RAB11FIP5: variants seen among roughly 807,000 people sequenced by gnomAD.
RAB11FIP5 encodes RAB11 family interacting protein 5.
Under a neutral mutation model 85.1 loss-of-function variants are expected in RAB11FIP5, and 48 were observed. That is an observed-to-expected ratio of 0.56 (90% CI 0.45 to 0.72). The LOEUF (loss-of-function observed/expected upper bound fraction) is 0.72. RAB11FIP5 is among the 30% of genes least tolerant of loss of function. The probability of loss-of-function intolerance (pLI) is 0.00; values close to 1 mark genes in which losing one functional copy is unlikely to be tolerated. For missense variants in RAB11FIP5, 1,491 were observed against 1,687.0 expected (o/e 0.88, Z 2.04); for synonymous variants, 729 against 727.3 (o/e 1.00, Z -0.04).
At chr2:73,095,236 G>A (rs2106116438) in intron 1 of RAB11FIP5, among the ~76,000 whole-genome samples, 1 of 152,288 alleles carries the variant, frequency 6.6e-6, no homozygotes, top group East Asian at 1.9e-4. Flanking sequence ...CTTGTCCCAG[G>A]TGCCTCTGCA....
At chr2:73,091,715 G>A (rs1412660779) in intron 1 of RAB11FIP5, among the ~76,000 whole-genome samples, 1 of 152,148 alleles carries the variant, frequency 6.6e-6, no homozygotes, top group Non-Finnish European at 1.5e-5. Flanking sequence ...AAGGCTTCCT[G>A]GGGCACCTCT....
intron 3 of RAB11FIP5, among the ~76,000 whole-genome samples, chr2:73,083,051 G>C (rs1684020081): frequency 6.6e-6 from 1 of 152,200 alleles, no homozygotes; most frequent in South Asian, 2.1e-4. Context: ...AAATATCCTG[G>C]GGAAACCCCT....
Position 73,081,212 on chromosome 2 carries a change from C to T in RAB11FIP5, c.2020G>A (p.Val674Met), listed in dbSNP as rs1357473411. 13 of 1,232,256 alleles carry T rather than the reference C, an allele frequency of 1.1e-5. No individual in the cohort carries two copies. Among genetic ancestry groups the T allele is most frequent in the African/African-American group, 4.7e-5 (3 of 64,420 alleles). 76.3% of individuals were successfully genotyped at this position (1,232,256 alleles called of 1,614,324 possible). The change falls in exon 4 of 6, where the codon GTG becomes ATG. Residue 674 changes from valine to methionine, a missense_variant. Val to Met is a conservative substitution (Grantham distance 21). Around this residue, in one of 3 missense-constraint regions of RAB11FIP5, gnomAD observed 1,211 missense variants for 1,338.0 expected, o/e 0.91. Coordinates refer to ENST00000486777, the MANE Select transcript of RAB11FIP5 (RefSeq NM_001371272.1). The surrounding 1 kb of genome is among the most constrained non-coding windows in gnomAD (Gnocchi z 4.2). ...ARSEILAPAG[V>M]GLEAAGLQDP... ...TGCAGCCCTGCCGCCTCCAGCCCCA[C>T]TCCTGCAGGGGCCAGGATCTCGCTC...
At chr2:73,111,090 C>T (rs1400150425) in intron 1 of RAB11FIP5, among the ~76,000 whole-genome samples, 1 of 151,958 alleles carries the variant, frequency 6.6e-6, no homozygotes, top group Non-Finnish European at 1.5e-5. Context: ...TGAAGGAAGG[C>T]GGGGAGCAGG....
At position 73,112,919 on chromosome 2, in the gene RAB11FIP5, G is replaced by T; in HGVS notation, c.-142C>A. 1 of 711,862 alleles carries T rather than the reference G, an allele frequency of 1.4e-6. No homozygotes were observed. The highest frequency in any genetic ancestry group is 1.9e-6 in the Non-Finnish European group (1 of 528,322). 44.1% of individuals were successfully genotyped at this position (711,862 alleles called of 1,614,324 possible). A position where few individuals can be genotyped will look rare whatever the true frequency, so the allele number is the denominator to read the frequency against. On this transcript the variant is annotated 5_prime_UTR_variant, in exon 1 of 6. Transcript: ENST00000486777. The stretch of plus-strand genomic sequence containing the variant: ...GGGCTGGGCTGGGCCGGGCCGACCG[G>T]CCGCCGCCTCCCCGCCTCACCGGGC...
chr2:73,112,853 G>A lies in RAB11FIP5; in HGVS notation c.-76C>T. The A allele has an allele frequency of 7.7e-7, 1 of 1,306,428 alleles. No homozygotes were observed. The highest frequency in any genetic ancestry group is 1.6e-5 in the African/African-American group (1 of 64,074). 80.9% of individuals were successfully genotyped at this position (1,306,428 alleles called of 1,614,324 possible). A position where few individuals can be genotyped will look rare whatever the true frequency, so the allele number is the denominator to read the frequency against. On this transcript the variant is annotated 5_prime_UTR_variant, in exon 1 of 6. Transcript: ENST00000486777. Reference sequence around the variant, plus strand: ...CCTGGTGACAAACCCGGCCGCGGCAGAAGGCGGTCAGGAACCAACTCTGAG... The same window carrying A: ...CCTGGTGACAAACCCGGCCGCGGCAAAAGGCGGTCAGGAACCAACTCTGAG...
Position 73,081,063 on chromosome 2 carries a change from C to T in RAB11FIP5, c.2169G>A (p.Arg723=). Residue 723 remains arginine, a synonymous_variant, in exon 4 of 6, where the codon AGG becomes AGA. Transcript: ENST00000486777. This position sits in a 1 kb window ranked among gnomAD's most constrained non-coding sequence, Gnocchi z 4.2. The stretch of plus-strand genomic sequence containing the variant: ...GGTTCGGTCCCAAGTCCAGAGGAAC[C>T]CTGGGCTCCAGCCACACGCTGCTCC... ...RGGSSVWLEP[R]VPLDLGPNHQ... 1 of 1,233,128 alleles carries T rather than the reference C, an allele frequency of 8.1e-7. No individual in the cohort carries two copies. The highest frequency in any genetic ancestry group is 1.0e-6 in the Non-Finnish European group (1 of 988,882). The allele number at this position is 1,233,128 out of a possible 1,614,324, so 76.4% of individuals were successfully genotyped here.
In RAB11FIP5 at chr2:73,088,777, C is replaced by T. The variant is rs768007346; in HGVS notation, c.869-28G>A. ...GCAGGGGAAACACACAGAGTTAGCT[C>T]GCAGGAAGAGAGGCCCCATTTCCTG... On this transcript the variant is annotated intron_variant, in intron 2 of 5. Coordinates refer to ENST00000486777, the MANE Select transcript of RAB11FIP5 (RefSeq NM_001371272.1). 7.7e-6 allele frequency: 12 copies of T among 1,551,604 alleles called. No individual in the cohort carries two copies. The African/African-American group carries it at 8.2e-5, about 11-fold the overall frequency.
At position 73,088,261 on chromosome 2, in the gene RAB11FIP5, C is replaced by G. The variant is rs902633860; in HGVS notation, c.1357G>C (p.Ala453Pro). 6.2e-7 allele frequency: 1 copy of G among 1,613,932 alleles called. No homozygotes were observed. The highest frequency in any genetic ancestry group is 1.3e-5 in the African/African-American group (1 of 75,046). ...CGGGGCTTGCGTTCCTCCTTCCGGG[C>G]TCCCTCCTTCTCTGCCACAGCCTCA... ...SSEAVAEKEG[A>P]RKEERKPRMG... Residue 453 changes from alanine to proline, a missense_variant, in exon 3 of 6, where the codon GCC (alanine) becomes CCC (proline). By Grantham distance (27) the Ala-to-Pro change is conservative. This residue lies in a region of RAB11FIP5 where 1,211 missense variants were observed against 1,338.0 expected (regional missense o/e 0.91). Transcript: ENST00000486777.
rs1459831905 is a variant in RAB11FIP5 at position 73,075,272 on chromosome 2, A to G, written c.*249T>C. 3 of 697,456 alleles carry G rather than the reference A, an allele frequency of 4.3e-6. No individual in the cohort carries two copies. In the East Asian group the frequency reaches 8.1e-5, roughly 19 times the overall value. 43.2% of individuals were successfully genotyped at this position (697,456 alleles called of 1,614,324 possible). ...TCCCTGGGGCCCCCAAAGCTGAGGG[A>G]TATGAAAACAGGCAGGTGGGAAAGA... On this transcript the variant is annotated 3_prime_UTR_variant, in exon 6 of 6. Coordinates refer to ENST00000486777, the MANE Select transcript of RAB11FIP5 (RefSeq NM_001371272.1). This position sits in a 1 kb window ranked among gnomAD's most constrained non-coding sequence, Gnocchi z 4.6.
intron 1 of RAB11FIP5, among the ~76,000 whole-genome samples, chr2:73,091,984 T>G (rs6727919): frequency 0.32 from 48,901 of 152,004 alleles, 9,428 homozygotes; most frequent in East Asian, 0.55. Flanking sequence ...GAGAGGCTAA[T>G]TGAGACAGAC....
chr2:73,073,883 C>CGT lies in RAB11FIP5; in HGVS notation c.*1636_*1637dup, dbSNP rs1683796417. 1 of 152,218 alleles carries CGT rather than the reference C, an allele frequency of 6.6e-6. No individual in the cohort carries two copies. Among genetic ancestry groups the CGT allele is most frequent in the South Asian group, 2.1e-4 (1 of 4,834 alleles). The allele number at this position is 152,218 out of a possible 1,614,324, so 9.4% of individuals were successfully genotyped here. ...GCAGACAGACATCACCCAGAGGGCA[C>CGT]GTGTCTGCCTGAGGCCTTCCAAAAG... On this transcript the variant is annotated 3_prime_UTR_variant, in exon 6 of 6. Coordinates refer to ENST00000486777, the MANE Select transcript of RAB11FIP5 (RefSeq NM_001371272.1).
chr2:73,080,553 C>T lies in RAB11FIP5; in HGVS notation c.2679G>A (p.Lys893=). The T allele has an allele frequency of 8.1e-7, 1 of 1,232,522 alleles. No homozygotes were observed. The highest frequency in any genetic ancestry group is 3.2e-5 in the East Asian group (1 of 31,694). 76.3% of individuals were successfully genotyped at this position (1,232,522 alleles called of 1,614,324 possible). The change falls in exon 4 of 6, where the codon AAG becomes AAA. Residue 893 remains lysine (K), a synonymous_variant. Coordinates refer to ENST00000486777, the MANE Select transcript of RAB11FIP5 (RefSeq NM_001371272.1). ...PEPKPEWVSD[K]GLQPSTPPPK... Reference sequence around the variant, plus strand: ...GAGGTGGGGTGCTGGGCTGCAGCCCCTTGTCAGACACCCACTCGGGTTTAG... The same window carrying T: ...GAGGTGGGGTGCTGGGCTGCAGCCCTTTGTCAGACACCCACTCGGGTTTAG...
intron 1 of RAB11FIP5, among the ~76,000 whole-genome samples, chr2:73,096,115 T>A (rs1002755327): frequency 6.6e-6 from 1 of 152,124 alleles, no homozygotes; most frequent in Non-Finnish European, 1.5e-5. Context: ...TGGACTTGGG[T>A]CTCGGCCCTC....
At chr2:73,076,869 G>A (rs1421973658) in intron 4 of RAB11FIP5, among the ~76,000 whole-genome samples, 3 of 152,140 alleles carry the variant, frequency 2.0e-5, no homozygotes, top group Non-Finnish European at 2.9e-5. Flanking sequence ...ACAGGACGTC[G>A]GTCTCTACCG....
rs770627632 is a variant in RAB11FIP5 at position 73,089,460 on chromosome 2, C to T, written c.432-145G>A. ...AAAGGCTCCTGCTCTGACCCATCGG[C>T]CTGGGCTTCCAGGCTTCAGATGCAG... On this transcript the variant is annotated intron_variant, in intron 1 of 5. Transcript: ENST00000486777. The surrounding 1 kb of genome is among the most constrained non-coding windows in gnomAD (Gnocchi z 4.6). The T allele has an allele frequency of 3.6e-6, 3 of 839,024 alleles. No homozygotes were observed. In the Admixed American group the frequency reaches 5.4e-5, roughly 15 times the overall value. 52.0% of individuals were successfully genotyped at this position (839,024 alleles called of 1,614,324 possible).
chr2:73,100,425 G>GT (rs573555727), intron 1 of RAB11FIP5, among the ~76,000 whole-genome samples: 33,187 of 131,032 alleles, frequency 0.25, 4,851 homozygotes, highest in East Asian at 0.59. Flanking sequence ...TTTGGTTGTG[G>GT]TTTTTTTTTT....
chr2:73,103,889 C>A (rs1340541679), intron 1 of RAB11FIP5, among the ~76,000 whole-genome samples: 1 of 152,134 alleles, frequency 6.6e-6, no homozygotes, highest in Non-Finnish European at 1.5e-5. Flanking sequence ...CCACTTAACC[C>A]ATCCCCCTCC....
intron 1 of RAB11FIP5, among the ~76,000 whole-genome samples, chr2:73,110,853 T>C (rs1684641929): frequency 1.3e-5 from 2 of 151,934 alleles, no homozygotes; most frequent in South Asian, 2.1e-4. Flanking sequence ...GAGTAGCTGA[T>C]TGGTGGAGGG....
Sources: gnomAD v4.1 joint callset for allele counts (sites outside exome capture counted in the v4.1 genomes callset) on GRCh38, gnomAD v4.1.1 for gene constraint, gnomAD v4.1.1 regional missense constraint, Gnocchi (gnomAD v3.1) non-coding constraint, MANE v1.5 for transcripts, NCBI Gene and HGNC (gene_info 2026-07-23, HGNC 2026-07-21) for gene names.